The following ATXN7L1 variants were observed in gnomAD, a reference collection of about 807,000 sequenced individuals.
ATXN7L1 encodes ataxin 7 like 1.
In ATXN7L1, 15 loss-of-function variants were observed where a neutral mutation model predicts 70.8. The ratio of observed to expected loss-of-function variants is 0.21; its 90% CI spans 0.14 to 0.33. ATXN7L1 has a LOEUF of 0.33. Among genes scored for constraint, ATXN7L1 ranks in the 10% least tolerant of loss-of-function variants. ATXN7L1 has a pLI of 1.00. For synonymous variants in ATXN7L1, 440 were observed against 445.1 expected (o/e 0.99, Z 0.14); for missense variants, 975 against 1,097.1 (o/e 0.89, Z 1.57).
chr7:105,828,940 T>C (rs1189382298), intron 2 of ATXN7L1, among the ~76,000 whole-genome samples: 1 of 152,214 alleles, frequency 6.6e-6, no homozygotes. Context: ...TCTCAAATTA[T>C]GTCTTCATGG....
intron 4 of ATXN7L1, among the ~76,000 whole-genome samples, chr7:105,655,854 G>T (rs1219175779): frequency 6.6e-6 from 1 of 152,172 alleles, no homozygotes; most frequent in Admixed American, 6.5e-5. Context: ...CCTACCTGGG[G>T]AGAGGGAGCC....
chr7:105,786,686 AT>A (rs201511652), intron 3 of ATXN7L1, among the ~76,000 whole-genome samples: 4,872 of 149,584 alleles, frequency 0.033, 247 homozygotes, highest in East Asian at 0.15. Flanking sequence ...ACCTGGCTAA[AT>A]TTTTTTTTTA....
At chr7:105,643,161 T>C (rs1393369230) in intron 4 of ATXN7L1, 40 bp from the exon 5 acceptor site, 5 of 1,474,910 alleles carry the variant, frequency 3.4e-6, no homozygotes, top group Admixed American at 2.4e-5. Flanking sequence ...TTGTCTTCTT[T>C]GATACATCTA....
At chr7:105,817,883 C>G (rs1809431990) in intron 2 of ATXN7L1, among the ~76,000 whole-genome samples, 1 of 152,170 alleles carries the variant, frequency 6.6e-6, no homozygotes. Flanking sequence ...TATCACTGCA[C>G]CCCTGCATTC....
chr7:105,767,786 T>C (rs981237010), intron 3 of ATXN7L1, among the ~76,000 whole-genome samples: 2 of 152,214 alleles, frequency 1.3e-5, no homozygotes, highest in Non-Finnish European at 2.9e-5. Flanking sequence ...ACCCCTCTGC[T>C]GCCTCTCCGA....
chr7:105,666,283 T>C (rs918714268), intron 3 of ATXN7L1, among the ~76,000 whole-genome samples: 10 of 152,252 alleles, frequency 6.6e-5, no homozygotes, highest in African/African-American at 2.4e-4. Flanking sequence ...CTCTCTTATG[T>C]CTCACACATA....
chr7:105,627,218 T>C (rs1474762112), intron 7 of ATXN7L1, among the ~76,000 whole-genome samples: 1 of 152,130 alleles, frequency 6.6e-6, no homozygotes, highest in Non-Finnish European at 1.5e-5. Context: ...TATAGAAAAT[T>C]GCCTTTCTTT....
chr7:105,869,317 A>G (rs1817911214), intron 2 of ATXN7L1, among the ~76,000 whole-genome samples: 1 of 152,206 alleles, frequency 6.6e-6, no homozygotes, highest in Admixed American at 6.5e-5. Context: ...AATGGTAAAA[A>G]TGAGGTTTAT....
chr7:105,808,197 C>G (rs1234079608), intron 2 of ATXN7L1, among the ~76,000 whole-genome samples: 1 of 152,202 alleles, frequency 6.6e-6, no homozygotes, highest in African/African-American at 2.4e-5. Flanking sequence ...TACTTAGGGA[C>G]AAGGTGACAG....
chr7:105,631,469 C>T (rs1313938829), intron 7 of ATXN7L1, among the ~76,000 whole-genome samples: 1 of 152,190 alleles, frequency 6.6e-6, no homozygotes, highest in African/African-American at 2.4e-5. Flanking sequence ...ACACCCTCTT[C>T]TGTACCCCAG....
intron 5 of ATXN7L1, among the ~76,000 whole-genome samples, chr7:105,640,107 C>T (rs181279775): frequency 3.9e-5 from 6 of 152,246 alleles, no homozygotes; most frequent in Admixed American, 6.5e-5. Context: ...ACCTGCCTCT[C>T]TCATGCTTGA....
At chr7:105,848,818 T>G (rs957870231) in intron 2 of ATXN7L1, among the ~76,000 whole-genome samples, 6 of 152,182 alleles carry the variant, frequency 3.9e-5, no homozygotes, top group Non-Finnish European at 8.8e-5. Flanking sequence ...TAGAGCATGC[T>G]GCTCCTCGGC....
intron 7 of ATXN7L1, among the ~76,000 whole-genome samples, chr7:105,634,188 T>C (rs1311563586): frequency 6.6e-6 from 1 of 152,128 alleles, no homozygotes; most frequent in Non-Finnish European, 1.5e-5. Flanking sequence ...CGCAAGTTTG[T>C]TTAGTTGCCG....
intron 3 of ATXN7L1, among the ~76,000 whole-genome samples, chr7:105,714,329 C>A (rs1393254231): frequency 6.6e-6 from 1 of 152,220 alleles, no homozygotes; most frequent in Non-Finnish European, 1.5e-5. Flanking sequence ...GCAGGAAATG[C>A]CCCACCCTCC....
chr7:105,624,046 C>T (rs1024064948), intron 8 of ATXN7L1, 29 bp downstream of exon 8: 56 of 1,375,588 alleles, frequency 4.1e-5, no homozygotes, highest in Admixed American at 9.1e-5. Flanking sequence ...AGGCGAAGAA[C>T]GCATGGCAAG....
At chr7:105,750,026 C>A (rs1468903519) in intron 3 of ATXN7L1, among the ~76,000 whole-genome samples, 1 of 151,836 alleles carries the variant, frequency 6.6e-6, no homozygotes, top group African/African-American at 2.4e-5. Flanking sequence ...CCCACAGGAA[C>A]CTATGAGGTC....
chr7:105,854,525 T>A (rs212418), intron 2 of ATXN7L1, among the ~76,000 whole-genome samples: 1 of 142,720 alleles, frequency 7.0e-6, no homozygotes, highest in African/African-American at 2.7e-5. Context: ...CAGACCCTTA[T>A]AGAGGAAAAA....
At chr7:105,741,329 TG>T (rs898102484) in intron 3 of ATXN7L1, among the ~76,000 whole-genome samples, 7 of 152,162 alleles carry the variant, frequency 4.6e-5, no homozygotes, top group African/African-American at 1.7e-4. Context: ...GTCAGAGCAC[TG>T]GGCCAACAGA....
At chr7:105,744,016 A>G (rs1798298485) in intron 3 of ATXN7L1, among the ~76,000 whole-genome samples, 1 of 152,178 alleles carries the variant, frequency 6.6e-6, no homozygotes. Context: ...ACGTTGCAGC[A>G]TGAGCTTGAT....
Sources: allele counts gnomAD v4.1 joint callset (sites outside exome capture counted in the v4.1 genomes callset), GRCh38; gene constraint gnomAD v4.1.1; transcripts MANE v1.5; gene names NCBI Gene and HGNC (gene_info 2026-07-23, HGNC 2026-07-21).